NTM: variants seen among roughly 807,000 people sequenced by gnomAD.
NTM encodes IgLON family member 2.
In NTM, 13 loss-of-function variants were observed where a neutral mutation model predicts 42.1. That is an observed-to-expected ratio of 0.31 (90% CI 0.20 to 0.49). The LOEUF (loss-of-function observed/expected upper bound fraction) is 0.49. NTM is among the 20% of genes least tolerant of loss of function. The pLI is 0.99. For synonymous variants in NTM, 187 were observed against 179.2 expected (o/e 1.04, Z -0.35); for missense variants, 373 against 452.8 (o/e 0.82, Z 1.60).
intron 4 of NTM, among the ~76,000 whole-genome samples, chr11:132,250,637 T>C (rs948257609): frequency 6.6e-6 from 1 of 152,076 alleles, no homozygotes; most frequent in Non-Finnish European, 1.5e-5. Context: ...TAATTGATTC[T>C]CTCTTTAGCT....
intron 2 of NTM, among the ~76,000 whole-genome samples, chr11:132,070,338 A>G (rs1338370618): frequency 7.0e-6 from 1 of 142,960 alleles, no homozygotes; most frequent in Non-Finnish European, 1.5e-5. Flanking sequence ...TTTACACGTC[A>G]CACAGCCAAA....
chr11:131,875,682 A>G (rs1463505473), intron 1 of NTM, among the ~76,000 whole-genome samples: 12 of 152,228 alleles, frequency 7.9e-5, no homozygotes. Flanking sequence ...TTGCACAATG[A>G]ATCGCATAAG....
At chr11:131,637,709 C>G (rs1200041736) in intron 1 of NTM, among the ~76,000 whole-genome samples, 1 of 151,912 alleles carries the variant, frequency 6.6e-6, no homozygotes. Context: ...GGTGCCCAAG[C>G]CAAAAGAACA....
chr11:132,157,803 A>G (rs752940472), intron 3 of NTM, among the ~76,000 whole-genome samples: 3 of 152,124 alleles, frequency 2.0e-5, no homozygotes, highest in African/African-American at 7.2e-5. Flanking sequence ...GAGTCTTGCC[A>G]TCTGGTAAAT....
At chr11:131,447,730 G>A (rs1169457400) in intron 1 of NTM, among the ~76,000 whole-genome samples, 1 of 152,196 alleles carries the variant, frequency 6.6e-6, no homozygotes, top group East Asian at 1.9e-4. Context: ...GATGGATAAT[G>A]TTAGATGTGG....
chr11:131,403,133 G>T (rs542766895), intron 1 of NTM, among the ~76,000 whole-genome samples: 55 of 152,306 alleles, frequency 3.6e-4, no homozygotes, highest in African/African-American at 1.3e-3. Context: ...TGTTCCCTGA[G>T]AGGAGACACC....
intron 1 of NTM, among the ~76,000 whole-genome samples, chr11:131,470,890 C>T (rs1051824181): frequency 7.9e-5 from 12 of 152,158 alleles, no homozygotes; most frequent in Non-Finnish European, 1.2e-4. Flanking sequence ...TGCATTTCCA[C>T]GCTCCAAGCC....
chr11:131,508,750 T>C (rs1302516384), intron 1 of NTM, among the ~76,000 whole-genome samples: 2 of 148,382 alleles, frequency 1.3e-5, no homozygotes, highest in Non-Finnish European at 3.0e-5. Flanking sequence ...ATGGATGAAA[T>C]TGGAAATCAT....
At chr11:131,459,986 G>T (rs922599981) in intron 1 of NTM, among the ~76,000 whole-genome samples, 38 of 152,230 alleles carry the variant, frequency 2.5e-4, no homozygotes, top group African/African-American at 8.9e-4. Flanking sequence ...AGAAAATAAG[G>T]CTCCGTGGCA....
intron 1 of NTM, among the ~76,000 whole-genome samples, chr11:131,575,336 C>T (rs188539695): frequency 6.6e-6 from 1 of 152,214 alleles, no homozygotes; most frequent in Admixed American, 6.5e-5. Flanking sequence ...TCCAAAAGTA[C>T]ACTTACAGTA....
intron 1 of NTM, 131 bp from the exon 2 acceptor site, chr11:131,911,433 G>A (rs745482971): frequency 1.2e-6 from 2 of 1,613,148 alleles, no homozygotes; most frequent in Non-Finnish European, 1.7e-6. Flanking sequence ...CGCCCGGGGG[G>A]CGTGTGCCGT....
chr11:132,326,391 A>C (rs1386762956), intron 7 of NTM, among the ~76,000 whole-genome samples: 1 of 152,124 alleles, frequency 6.6e-6, no homozygotes, highest in Non-Finnish European at 1.5e-5. Flanking sequence ...TCACAGAGAG[A>C]ACACCATCCC....
At chr11:131,579,596 G>A (rs146519181) in intron 1 of NTM, among the ~76,000 whole-genome samples, 2 of 152,300 alleles carry the variant, frequency 1.3e-5, no homozygotes, top group African/African-American at 4.8e-5. Flanking sequence ...ATGCATGGGA[G>A]GAAGACCTCT....
intron 1 of NTM, among the ~76,000 whole-genome samples, chr11:131,858,068 C>G (rs757262158): frequency 6.6e-6 from 1 of 151,862 alleles, no homozygotes; most frequent in Non-Finnish European, 1.5e-5. Flanking sequence ...CCTTTCCAGT[C>G]TACATTTTAT....
intron 1 of NTM, among the ~76,000 whole-genome samples, chr11:131,798,616 C>G (rs910061988): frequency 6.6e-6 from 1 of 152,196 alleles, no homozygotes; most frequent in Non-Finnish European, 1.5e-5. Context: ...TTTCTTTATT[C>G]CTTCACCTCA....
chr11:132,262,906 G>C (rs2092953825), intron 4 of NTM, among the ~76,000 whole-genome samples: 1 of 152,144 alleles, frequency 6.6e-6, no homozygotes, highest in South Asian at 2.1e-4. Flanking sequence ...TTGCAGCTGT[G>C]AACATGGGAA....
At chr11:131,729,725 G>C (rs1435527914) in intron 1 of NTM, among the ~76,000 whole-genome samples, 1 of 152,162 alleles carries the variant, frequency 6.6e-6, no homozygotes, top group Non-Finnish European at 1.5e-5. Context: ...TTAGCATTTT[G>C]TTCATGTTGT....
chr11:131,744,155 AATT>A (rs2081515070), intron 1 of NTM, among the ~76,000 whole-genome samples: 1 of 152,164 alleles, frequency 6.6e-6, no homozygotes, highest in Non-Finnish European at 1.5e-5. Context: ...AATTAGAGGT[AATT>A]ATTCCTAATT....
chr11:132,316,306 C>G (rs2095429129), intron 7 of NTM, among the ~76,000 whole-genome samples: 1 of 152,172 alleles, frequency 6.6e-6, no homozygotes, highest in African/African-American at 2.4e-5. Context: ...ACAAGGAAAG[C>G]AGTGAAGTGC....
Sources: allele counts gnomAD v4.1 joint callset (sites outside exome capture counted in the v4.1 genomes callset), GRCh38; gene constraint gnomAD v4.1.1; transcripts MANE v1.5; gene names NCBI Gene and HGNC (gene_info 2026-07-23, HGNC 2026-07-21).